Variants in LRP3 observed in about 807,000 individuals in gnomAD.
The protein encoded by LRP3 is LDL receptor related protein 3, also known as low-density lipoprotein receptor-related protein 3.
LRP3 carries 49 observed loss-of-function variants against 58.5 expected under a neutral mutation model. The ratio of observed to expected loss-of-function variants is 0.84; its 90% CI spans 0.67 to 1.06. The LOEUF (loss-of-function observed/expected upper bound fraction) is 1.06, where lower values mean the gene tolerates loss of function less well. Among genes scored for constraint, LRP3 ranks in the 50% least tolerant of loss-of-function variants. The pLI, the probability that LRP3 is intolerant of heterozygous loss-of-function variation, is 0.00. For synonymous variants in LRP3, 485 were observed against 492.2 expected, an observed-to-expected ratio of 0.99 and a Z score of 0.20; for missense variants, 1,019 against 1,134.2, an observed-to-expected ratio of 0.90 and a Z score of 1.46.
intron 1 of LRP3, among the ~76,000 whole-genome samples, chr19:33,196,355 C>T (rs972653087): frequency 1.3e-5 from 2 of 152,088 alleles, no homozygotes; most frequent in African/African-American, 2.4e-5. Context: ...GAGTTTAAGA[C>T]CAGCCTGAGC....
At chr19:33,206,801 A>C (rs1180465736) in intron 6 of LRP3, 68 bp downstream of exon 6, 2 of 1,451,426 alleles carry the variant, frequency 1.4e-6, no homozygotes, top group Non-Finnish European at 1.8e-6. Flanking sequence ...AGGCTGGTCC[A>C]GGGGTCACAG....
intron 1 of LRP3, among the ~76,000 whole-genome samples, chr19:33,196,447 A>T (rs935149708): frequency 3.9e-5 from 6 of 152,210 alleles, no homozygotes; most frequent in African/African-American, 1.4e-4. Flanking sequence ...AGTTCCAGCT[A>T]CTTGGGAGGC....
chr19:33,194,898 G>A (rs1262417083), intron 1 of LRP3, 40 bp downstream of exon 1: 3 of 981,988 alleles, frequency 3.1e-6, no homozygotes, highest in Non-Finnish European at 1.2e-6. Flanking sequence ...CGGGTCCCCC[G>A]CATGGCAGTC....
chr19:33,204,394 G>T lies in LRP3; in HGVS notation c.261-244G>T, dbSNP rs895674173. On this transcript the variant is annotated intron_variant, in intron 3 of 6. Transcript: ENST00000253193. ...GGGGAGCCGCAGCAGAGCTGGAAAT[G>T]ACCTGCGTGGATGTCGCAATTCTTC... The T allele has an allele frequency of 2.5e-5, 14 of 562,470 alleles. No individual in the cohort carries two copies. In the Admixed American group the frequency reaches 4.4e-4, roughly 18 times the overall value. 34.8% of individuals were successfully genotyped at this position (562,470 alleles called of 1,614,324 possible).
At chr19:33,201,475 A>G (rs1387747826) in intron 2 of LRP3, among the ~76,000 whole-genome samples, 1 of 151,984 alleles carries the variant, frequency 6.6e-6, no homozygotes, top group Admixed American at 6.6e-5. Context: ...GCGCTGCTGT[A>G]GTGAATTGTG....
At chr19:33,197,524 G>A (rs948845626) in intron 2 of LRP3, among the ~76,000 whole-genome samples, 7 of 152,188 alleles carry the variant, frequency 4.6e-5, no homozygotes, top group African/African-American at 1.4e-4. Flanking sequence ...CTACTCGGGA[G>A]ACTGAGGCAG....
intron 1 of LRP3, among the ~76,000 whole-genome samples, chr19:33,196,250 C>G (rs1010895718): frequency 1.3e-5 from 2 of 152,092 alleles, no homozygotes; most frequent in African/African-American, 4.8e-5. Context: ...AGGGGGAAGC[C>G]CTTCAAAGTT....
intron 2 of LRP3, among the ~76,000 whole-genome samples, chr19:33,198,384 G>T (rs1355468009): frequency 6.6e-6 from 1 of 152,268 alleles, no homozygotes; most frequent in East Asian, 1.9e-4. Flanking sequence ...CACGCCCAGC[G>T]CGCAAGGCCA....
Position 33,194,778 on chromosome 19 carries a change from G to C in LRP3, c.-8G>C, listed in dbSNP as rs1974267612. On this transcript the variant is annotated 5_prime_UTR_variant, in exon 1 of 7. Transcript: ENST00000253193. ...AGGAGGCGGCGCCCGCGGGCGGCCG[G>C]GCCCGGCATGGAGAAGCGCGCGGCC... 1 of 999,416 alleles carries C rather than the reference G, an allele frequency of 1.0e-6. No homozygotes were observed. Among genetic ancestry groups the C allele is most frequent in the Non-Finnish European group, 1.2e-6 (1 of 838,786 alleles). The allele number at this position is 999,416 out of a possible 1,614,324, so 61.9% of individuals were successfully genotyped here.
intron 1 of LRP3, among the ~76,000 whole-genome samples, chr19:33,195,202 C>A (rs1289224435): frequency 3.3e-5 from 5 of 152,210 alleles, no homozygotes; most frequent in Admixed American, 6.5e-5. Flanking sequence ...AAAGGCCAGG[C>A]CGGCTGTCCC....
rs368108554 is a variant in LRP3 at position 33,205,741 on chromosome 19, C to T, written c.971C>T (p.Thr324Met). The T allele has an allele frequency of 2.3e-5, 36 of 1,596,818 alleles. No homozygotes were observed. The highest frequency in any genetic ancestry group is 2.8e-5 in the Non-Finnish European group (33 of 1,176,394). The change falls in exon 5 of 7, where the codon ACG (threonine) becomes ATG (methionine). Residue 324 changes from threonine to methionine, a missense_variant. Coordinates refer to ENST00000253193, the MANE Select transcript of LRP3 (RefSeq NM_002333.4). ...GAGCGCGGGGACCGCCTGCTGCAGA[C>T]GCTGTCCTACCGCAGCAACCACCGG... ...LGERGDRLLQ[T>M]LSYRSNHRPV...
In LRP3 at chr19:33,207,596, C is replaced by T. The variant is rs375365857; in HGVS notation, c.*21C>T. On this transcript the variant is annotated 3_prime_UTR_variant, in exon 7 of 7. Transcript: ENST00000253193. Reference sequence around the variant, plus strand: ...GTTGACCGCTGGGCTCGCTGGTGACCGCCACAGCCCCGCTTTGTAACCAGG... The same window carrying T: ...GTTGACCGCTGGGCTCGCTGGTGACTGCCACAGCCCCGCTTTGTAACCAGG... The T allele has an allele frequency of 2.8e-5, 43 of 1,522,650 alleles. No individual in the cohort carries two copies. Among genetic ancestry groups the T allele is most frequent in the Middle Eastern group, 3.4e-4 (2 of 5,904 alleles). 94.3% of individuals were successfully genotyped at this position (1,522,650 alleles called of 1,614,324 possible). A position where few individuals can be genotyped will look rare whatever the true frequency, so the allele number is the denominator to read the frequency against.
rs1451492417 is a variant in LRP3 at position 33,208,558 on chromosome 19, C to T, written c.*983C>T. The T allele has an allele frequency of 2.0e-5, 8 of 397,386 alleles. No individual in the cohort carries two copies. In the East Asian group the frequency reaches 4.1e-4, roughly 20 times the overall value. The allele number at this position is 397,386 out of a possible 1,614,324, so 24.6% of individuals were successfully genotyped here. A position where few individuals can be genotyped will look rare whatever the true frequency, so the allele number is the denominator to read the frequency against. On this transcript the variant is annotated 3_prime_UTR_variant, in exon 7 of 7. Coordinates refer to ENST00000253193, the MANE Select transcript of LRP3 (RefSeq NM_002333.4). The surrounding 1 kb of genome is among the most constrained non-coding windows in gnomAD (Gnocchi z 4.7). ...GCCCCCTAATGTCAAGAGCCTCCTC[C>T]AGGGCCTGCCACGGCATCTTCCTGG...
chr19:33,208,383 G>C lies in LRP3; in HGVS notation c.*808G>C, dbSNP rs1974454407. The stretch of plus-strand genomic sequence containing the variant: ...GGAAGAAAGACAATCCCAGCCTGGA[G>C]CCCCTGAGCTCTCCTGGGTGGCCGA... On this transcript the variant is annotated 3_prime_UTR_variant, in exon 7 of 7. Transcript: ENST00000253193. The surrounding 1 kb of genome is among the most constrained non-coding windows in gnomAD (Gnocchi z 4.7). 1 of 182,580 alleles carries C rather than the reference G, an allele frequency of 5.5e-6. No individual in the cohort carries two copies. The highest frequency in any genetic ancestry group is 2.4e-5 in the African/African-American group (1 of 41,758). The allele number at this position is 182,580 out of a possible 1,614,324, so 11.3% of individuals were successfully genotyped here.
chr19:33,206,880 G>A, intron 6 of LRP3, 108 bp from the exon 7 acceptor site: 1 of 1,181,482 alleles, frequency 8.5e-7, no homozygotes, highest in Non-Finnish European at 1.2e-6. Context: ...TGGACAAGGT[G>A]GTCTCTCGGG....
chr19:33,197,918 G>T (rs1005879384), intron 2 of LRP3, among the ~76,000 whole-genome samples: 10 of 152,308 alleles, frequency 6.6e-5, no homozygotes, highest in Admixed American at 5.9e-4. Context: ...CAGGAGCCCG[G>T]CCTCCTCTGA....
At position 33,207,295 on chromosome 19, in the gene LRP3, G is replaced by T; in HGVS notation, c.2033G>T (p.Gly678Val). 1 of 1,560,954 alleles carries T rather than the reference G, an allele frequency of 6.4e-7. No individual in the cohort carries two copies. Among genetic ancestry groups the T allele is most frequent in the East Asian group, 2.3e-5 (1 of 43,698 alleles). Reference protein sequence around the residue: ...PSAPGRAPEVGPSGPPLPSGL... With the variant: ...PSAPGRAPEVVPSGPPLPSGL... The stretch of plus-strand genomic sequence containing the variant: ...GCCCCCGGCCGTGCACCGGAGGTGG[G>T]ACCTTCAGGGCCACCCTTGCCCTCG... The change falls in exon 7 of 7, where the codon GGA becomes GTA. Residue 678 changes from glycine (G) to valine (V), a missense_variant. Gly to Val is a moderately radical substitution (Grantham distance 109). Around this residue, in one of 2 missense-constraint regions of LRP3, gnomAD observed 427 missense variants for 408.6 expected, o/e 1.04. Transcript: ENST00000253193.
rs530498928 is a variant in LRP3, at chr19:33,203,368, A to G, written c.260+382A>G. Among the ~76,000 whole-genome samples the G allele has an allele frequency of 3.7e-4, 57 of 152,140 alleles. 1 individual carries two copies. The highest frequency in any genetic ancestry group is 7.2e-4 in the Non-Finnish European group (49 of 68,012). ...TGTGAACACATGTGTGCTTGTGTAC[A>G]TGGAAAAGCCCATGTCGGAGAAGAC... On this transcript the variant is annotated intron_variant, in intron 3 of 6. Coordinates refer to ENST00000253193, the MANE Select transcript of LRP3 (RefSeq NM_002333.4).
At chr19:33,201,968 G>A (rs567921227) in intron 2 of LRP3, among the ~76,000 whole-genome samples, 66 of 152,310 alleles carry the variant, frequency 4.3e-4, no homozygotes, top group African/African-American at 1.6e-3. Flanking sequence ...CTCAACCTGA[G>A]CGGTATACAG....
Sources: allele counts gnomAD v4.1 joint callset (sites outside exome capture counted in the v4.1 genomes callset), GRCh38; gene constraint gnomAD v4.1.1; regional missense constraint gnomAD v4.1.1; non-coding constraint Gnocchi (gnomAD v3.1); transcripts MANE v1.5; gene names NCBI Gene and HGNC (gene_info 2026-07-23, HGNC 2026-07-21).